Variants in ANKRD30B observed in about 807,000 individuals in gnomAD.
ANKRD30B encodes ankyrin repeat domain 30B, also known as ankyrin repeat domain-containing protein 30B.
ANKRD30B carries 144 observed loss-of-function variants against 202.2 expected under a neutral mutation model. That is an observed-to-expected ratio of 0.71 (90% CI 0.62 to 0.82). The LOEUF is 0.82. Ranked by LOEUF, ANKRD30B falls within the 40% of genes least tolerant of loss-of-function variation. The probability of loss-of-function intolerance (pLI) is 0.00; values close to 1 mark genes in which losing one functional copy is unlikely to be tolerated. For synonymous variants in ANKRD30B, 508 were observed against 561.3 expected (o/e 0.91, Z 1.34); for missense variants, 1,487 against 1,669.1 (o/e 0.89, Z 1.90).
Position 14,851,607 on chromosome 18 carries a change from A to G in ANKRD30B, c.3663A>G (p.Lys1221=). 1 of 1,611,402 alleles carries G rather than the reference A, an allele frequency of 6.2e-7. No homozygotes were observed. Among genetic ancestry groups the G allele is most frequent in the Non-Finnish European group, 8.5e-7 (1 of 1,178,838 alleles). ...TAAAACTGGAAGTAGCCACACTGAA[A>G]CATCAACACCAGGTGAAGGAAAATA... ...AMLKLEVATL[K]HQHQVKENKY... is the part of the protein sequence containing the mutation. Residue 1221 remains lysine (K), a synonymous_variant, in exon 42 of 44, where the codon AAA becomes AAG. Coordinates refer to ENST00000690538, the MANE Select transcript of ANKRD30B (RefSeq NM_001367607.2).
At chr18:14,861,119 T>A in the ANKRD30B span, among the ~76,000 whole-genome samples, 1 of 152,246 alleles carries the variant, frequency 6.6e-6, no homozygotes, top group South Asian at 2.1e-4. Context: ...AAAAGAAATG[T>A]TTAAAGGAGT....
chr18:14,879,488 C>T, the ANKRD30B span, among the ~76,000 whole-genome samples: 3 of 152,100 alleles, frequency 2.0e-5, no homozygotes, highest in Non-Finnish European at 4.4e-5. Context: ...AGTCCTAAGA[C>T]AGCGATCATA....
intron 1 of ANKRD30B, among the ~76,000 whole-genome samples, chr18:14,751,722 T>G (rs986090578): frequency 6.6e-6 from 1 of 152,190 alleles, no homozygotes; most frequent in African/African-American, 2.4e-5. Context: ...TTGAAGTTTT[T>G]AAAATCTTGA....
the ANKRD30B span, among the ~76,000 whole-genome samples, chr18:14,870,874 T>G: frequency 6.6e-6 from 1 of 152,004 alleles, no homozygotes; most frequent in Non-Finnish European, 1.5e-5. Flanking sequence ...CCTGCCTGGC[T>G]TCTGTCCCAA....
At chr18:14,875,466 C>T in the ANKRD30B span, among the ~76,000 whole-genome samples, 1 of 152,066 alleles carries the variant, frequency 6.6e-6, no homozygotes, top group African/African-American at 2.4e-5. Context: ...GTTATGGGCC[C>T]AAACACTTAT....
At chr18:14,937,888 G>T in the ANKRD30B span, among the ~76,000 whole-genome samples, 1 of 152,126 alleles carries the variant, frequency 6.6e-6, no homozygotes, top group East Asian at 1.9e-4. Context: ...GGCGTCTCTG[G>T]GTGACTGCCC....
intron 33 of ANKRD30B, among the ~76,000 whole-genome samples, chr18:14,830,998 C>T (rs1469934482): frequency 2.6e-5 from 4 of 151,482 alleles, no homozygotes; most frequent in Admixed American, 6.6e-5. Context: ...CTGGCTAACA[C>T]GGTGAAACCC....
intron 9 of ANKRD30B, among the ~76,000 whole-genome samples, chr18:14,777,745 C>T (rs1598604353): frequency 6.6e-6 from 1 of 151,738 alleles, no homozygotes; most frequent in African/African-American, 2.4e-5. Flanking sequence ...AGTTCGAGAC[C>T]AGCCTGGCCA....
the ANKRD30B span, among the ~76,000 whole-genome samples, chr18:14,865,749 A>T: frequency 6.6e-6 from 1 of 151,060 alleles, no homozygotes; most frequent in Non-Finnish European, 1.5e-5. Context: ...TCCCTTTCCT[A>T]CCGCTCCAGC....
chr18:14,787,676 A>G (rs1227027144), intron 15 of ANKRD30B, among the ~76,000 whole-genome samples: 2 of 152,336 alleles, frequency 1.3e-5, no homozygotes, highest in African/African-American at 2.4e-5. Flanking sequence ...ATTGAAAAAT[A>G]TAAATTATAT....
chr18:14,861,707 G>A, the ANKRD30B span, among the ~76,000 whole-genome samples: 1 of 151,508 alleles, frequency 6.6e-6, no homozygotes, highest in East Asian at 1.9e-4. Context: ...ACAGCAGTAA[G>A]CAGATTAGTT....
chr18:14,771,781 T>C (rs568620395), intron 8 of ANKRD30B, among the ~76,000 whole-genome samples: 1 of 152,312 alleles, frequency 6.6e-6, no homozygotes, highest in South Asian at 2.1e-4. Context: ...TTCCAGTTTA[T>C]ATATCAAAAG....
chr18:14,776,900 T>C (rs536007040), intron 9 of ANKRD30B, among the ~76,000 whole-genome samples: 1 of 152,368 alleles, frequency 6.6e-6, no homozygotes, highest in Admixed American at 6.5e-5. Context: ...TTTTCCTAAC[T>C]GAATCAGCTT....
At chr18:14,769,166 G>A (rs539832174) in intron 7 of ANKRD30B, among the ~76,000 whole-genome samples, 177 bp from the exon 8 acceptor site, 4 of 152,198 alleles carry the variant, frequency 2.6e-5, no homozygotes, top group African/African-American at 9.6e-5. Context: ...TTGAAGTCTC[G>A]CAATGTCTCC....
chr18:14,763,324 G>A (rs1415694507), intron 6 of ANKRD30B, among the ~76,000 whole-genome samples: 1 of 152,142 alleles, frequency 6.6e-6, no homozygotes, highest in Non-Finnish European at 1.5e-5. Context: ...CAAGGCAGAT[G>A]AATTGCTTGA....
At chr18:14,879,173 A>G in the ANKRD30B span, among the ~76,000 whole-genome samples, 1 of 152,176 alleles carries the variant, frequency 6.6e-6, no homozygotes, top group Admixed American at 6.5e-5. Flanking sequence ...AGTGAATAAA[A>G]TCCTTCCAGT....
chr18:14,804,624 A>G (rs1969385697), intron 24 of ANKRD30B, among the ~76,000 whole-genome samples: 1 of 150,748 alleles, frequency 6.6e-6, no homozygotes, highest in Admixed American at 6.6e-5. Flanking sequence ...AAGAAGGGCC[A>G]TTGGGTAGAA....
At chr18:14,779,226 T>C in intron 10 of ANKRD30B, among the ~76,000 whole-genome samples, 1 of 152,196 alleles carries the variant, frequency 6.6e-6, no homozygotes, top group East Asian at 1.9e-4. Flanking sequence ...CTCTCAGTAC[T>C]CCTTGGACCT....
At chr18:14,896,673 T>G in the ANKRD30B span, among the ~76,000 whole-genome samples, 1 of 145,440 alleles carries the variant, frequency 6.9e-6, no homozygotes, top group Non-Finnish European at 1.5e-5. Context: ...AACTTCTTTT[T>G]GTGAAATATG....
Sources: gnomAD v4.1 joint callset for allele counts (sites outside exome capture counted in the v4.1 genomes callset) on GRCh38, gnomAD v4.1.1 for gene constraint, MANE v1.5 for transcripts, NCBI Gene and HGNC (gene_info 2026-07-23, HGNC 2026-07-21) for gene names.